The following SDC4 variants were observed in gnomAD, a reference collection of about 807,000 sequenced individuals.
SDC4 encodes syndecan 4, also known as syndecan-4.
SDC4 carries 17 observed loss-of-function variants against 20.5 expected under a neutral mutation model. The ratio of observed to expected loss-of-function variants is 0.83; its 90% CI spans 0.57 to 1.25. The LOEUF is 1.25. Among genes scored for constraint, SDC4 ranks in the 50% most tolerant of loss-of-function variants. The probability of loss-of-function intolerance (pLI) is 0.00; values close to 1 mark genes in which losing one functional copy is unlikely to be tolerated. For missense variants in SDC4, 241 were observed against 252.3 expected (o/e 0.96, Z 0.30); for synonymous variants, 107 against 105.3 (o/e 1.02, Z -0.10).
chr20:45,342,675 G>A (rs1345282740), intron 1 of SDC4, among the ~76,000 whole-genome samples: 1 of 152,046 alleles, frequency 6.6e-6, no homozygotes, highest in East Asian at 1.9e-4. Flanking sequence ...GGGGAAGCAG[G>A]AGGCAAGAAC....
Position 45,333,053 on chromosome 20 carries a change from G to A in SDC4, c.216C>T (p.Ser72=). 6.2e-7 allele frequency: 1 copy of A among 1,614,190 alleles called. No individual in the cohort carries two copies. The highest frequency in any genetic ancestry group is 8.5e-7 in the Non-Finnish European group (1 of 1,180,016). The part of the protein sequence containing the change: ...GSGDLDDLED[S]MIGPEVVHPL... ...GATGGACAACTTCAGGGCCGATCAT[G>A]GAGTCTTCCAAGTCATCTGTAAGGT... The change falls in exon 3 of 5, where the codon TCC becomes TCT. Residue 72 remains serine (S), a synonymous_variant. Coordinates refer to ENST00000372733, the MANE Select transcript of SDC4 (RefSeq NM_002999.4).
chr20:45,348,371 C>G lies in SDC4; in HGVS notation c.14G>C (p.Arg5Pro), dbSNP rs1180195019. ...GAAGAACAGCAGCAGCGCGAACAGA[C>G]GGGCGGGGGCCATGGCACCGCGGAC... The part of the protein sequence containing the change: MAPA[R>P]LFALLLFFVG... The change falls in exon 1 of 5, where the codon CGT becomes CCT. Residue 5 changes from arginine to proline, a missense_variant. Transcript: ENST00000372733. The G allele has an allele frequency of 2.5e-6, 4 of 1,586,136 alleles. No homozygotes were observed. The highest frequency in any genetic ancestry group is 2.6e-6 in the Non-Finnish European group (3 of 1,168,048).
At chr20:45,337,668 A>G (rs1002686496) in intron 1 of SDC4, among the ~76,000 whole-genome samples, 1 of 152,190 alleles carries the variant, frequency 6.6e-6, no homozygotes, top group Non-Finnish European at 1.5e-5. Flanking sequence ...AGGCCCAGGA[A>G]AGCTGCTTCA....
At chr20:45,331,463 AGG>A (rs1987776335) in intron 3 of SDC4, among the ~76,000 whole-genome samples, 1 of 152,164 alleles carries the variant, frequency 6.6e-6, no homozygotes, top group Non-Finnish European at 1.5e-5. Flanking sequence ...CATCTTGAAT[AGG>A]GGCTGGGTAA....
intron 3 of SDC4, 100 bp downstream of exon 3, chr20:45,332,923 C>T: frequency 8.8e-7 from 1 of 1,141,544 alleles, no homozygotes; most frequent in Non-Finnish European, 1.3e-6. Flanking sequence ...GGGTAAGACC[C>T]CTCACTTATT....
chr20:45,328,429 A>T (rs1380518692), intron 4 of SDC4, among the ~76,000 whole-genome samples: 1 of 152,222 alleles, frequency 6.6e-6, no homozygotes, highest in Non-Finnish European at 1.5e-5. Context: ...TATTCTCAAG[A>T]TTCATTAACT....
intron 4 of SDC4, 33 bp downstream of exon 4, chr20:45,330,333 T>C (rs972448093): frequency 4.4e-6 from 7 of 1,602,432 alleles, no homozygotes; most frequent in Non-Finnish European, 6.0e-6. Flanking sequence ...CATTCCACCT[T>C]CAAGGCATCT....
chr20:45,338,311 A>C (rs1987903560), intron 1 of SDC4, among the ~76,000 whole-genome samples: 1 of 152,200 alleles, frequency 6.6e-6, no homozygotes, highest in African/African-American at 2.4e-5. Context: ...GCATGAACAC[A>C]TATGTACACG....
chr20:45,348,229 C>CG lies in SDC4; in HGVS notation c.60+95dup. On this transcript the variant is annotated intron_variant, in intron 1 of 4. Coordinates refer to ENST00000372733, the MANE Select transcript of SDC4 (RefSeq NM_002999.4). ...TGTCCGGTTGGGGGTAGCGTACCCC[C>CG]GATCTGCCCCCCCCCATCCCACGCT... The CG allele has an allele frequency of 5.1e-6, 5 of 989,858 alleles. 1 individual carries two copies. The highest frequency in any genetic ancestry group is 7.5e-6 in the Non-Finnish European group (5 of 666,000). 61.3% of individuals were successfully genotyped at this position (989,858 alleles called of 1,614,324 possible). A position where few individuals can be genotyped will look rare whatever the true frequency, so the allele number is the denominator to read the frequency against.
intron 1 of SDC4, among the ~76,000 whole-genome samples, chr20:45,346,258 G>C (rs1406048146): frequency 1.3e-5 from 2 of 152,216 alleles, no homozygotes; most frequent in Non-Finnish European, 2.9e-5. Context: ...ATCTAGAAAA[G>C]AGGGAGGGGA....
At chr20:45,345,946 A>T (rs1988025557) in intron 1 of SDC4, 1 of 152,206 alleles carries the variant, frequency 6.6e-6, no homozygotes, top group Non-Finnish European at 1.5e-5. Flanking sequence ...ACCACCCACA[A>T]TGGGAGGGCT....
intron 1 of SDC4, among the ~76,000 whole-genome samples, chr20:45,341,385 GA>G (rs1189526622): frequency 6.6e-6 from 1 of 152,080 alleles, no homozygotes; most frequent in Non-Finnish European, 1.5e-5. Flanking sequence ...TTCAGACTGT[GA>G]AAAAAAGATA....
At position 45,348,322 on chromosome 20, in the gene SDC4, C is replaced by T. The variant is rs1046317991; in HGVS notation, c.60+3G>A. The T allele has an allele frequency of 1.3e-6, 2 of 1,583,764 alleles. No individual in the cohort carries two copies. Among genetic ancestry groups the T allele is most frequent in the African/African-American group, 1.3e-5 (1 of 74,280 alleles). Reference sequence around the variant, plus strand: ...CCCAGCCCGGGAACCTCCAAGCACCCACCGACTCGGCGACTCCGCCTACGA... The same window carrying T: ...CCCAGCCCGGGAACCTCCAAGCACCTACCGACTCGGCGACTCCGCCTACGA... On this transcript the variant is annotated splice_donor_region_variant and intron_variant, in intron 1 of 4. Transcript: ENST00000372733.
chr20:45,333,660 C>T (rs1259193488), intron 2 of SDC4, among the ~76,000 whole-genome samples: 1 of 152,194 alleles, frequency 6.6e-6, no homozygotes, highest in Non-Finnish European at 1.5e-5. Flanking sequence ...CAGAACAAGA[C>T]TCCGTCTCAA....
At chr20:45,346,202 C>T (rs181285335) in intron 1 of SDC4, among the ~76,000 whole-genome samples, 30 of 152,338 alleles carry the variant, frequency 2.0e-4, no homozygotes, top group African/African-American at 7.0e-4. Context: ...TGGATCATCT[C>T]TTCAGTCCGA....
chr20:45,346,640 T>C (rs1988036120), intron 1 of SDC4, among the ~76,000 whole-genome samples: 1 of 152,182 alleles, frequency 6.6e-6, no homozygotes, highest in Non-Finnish European at 1.5e-5. Flanking sequence ...CTTCCCCAGT[T>C]GCTTGACCCG....
chr20:45,336,980 A>G (rs776050569), intron 1 of SDC4, among the ~76,000 whole-genome samples: 7 of 151,480 alleles, frequency 4.6e-5, no homozygotes, highest in Non-Finnish European at 7.4e-5. Context: ...AGTACCCATA[A>G]TCATCACTCA....
intron 3 of SDC4, among the ~76,000 whole-genome samples, chr20:45,332,456 C>A (rs112879844): frequency 3.1e-3 from 464 of 151,974 alleles, no homozygotes; most frequent in African/African-American, 0.01. Flanking sequence ...CCACTGTGCC[C>A]GGCCTATATA....
intron 1 of SDC4, among the ~76,000 whole-genome samples, chr20:45,338,693 G>C (rs1747659252): frequency 1.3e-5 from 2 of 152,316 alleles, no homozygotes; most frequent in South Asian, 4.1e-4. Flanking sequence ...AGCCAAGTCA[G>C]CAGCAAAACC....
Sources: allele counts gnomAD v4.1 joint callset (sites outside exome capture counted in the v4.1 genomes callset), GRCh38; gene constraint gnomAD v4.1.1; transcripts MANE v1.5; gene names NCBI Gene and HGNC (gene_info 2026-07-23, HGNC 2026-07-21).